The following CLEC2D variants were observed in gnomAD, a reference collection of about 807,000 sequenced individuals.
The protein encoded by CLEC2D is C-type lectin domain family 2 member D.
CLEC2D carries 16 observed loss-of-function variants against 20.0 expected under a neutral mutation model. The ratio of observed to expected loss-of-function variants is 0.80; its 90% CI spans 0.54 to 1.22. The LOEUF (loss-of-function observed/expected upper bound fraction) is 1.22, where lower values mean the gene tolerates loss of function less well. Among genes scored for constraint, CLEC2D ranks in the 50% most tolerant of loss-of-function variants. The pLI, the probability that CLEC2D is intolerant of heterozygous loss-of-function variation, is 0.00. For synonymous variants in CLEC2D, 77 were observed against 71.1 expected (o/e 1.08, Z -0.42); for missense variants, 207 against 221.5 (o/e 0.93, Z 0.42).
intron 3 of CLEC2D, among the ~76,000 whole-genome samples, chr12:9,691,224 A>G (rs1171481580): frequency 1.3e-5 from 2 of 150,108 alleles, no homozygotes; most frequent in East Asian, 3.9e-4. Context: ...TAATTATGTT[A>G]TAAAATATAT....
At chr12:9,694,736 C>G in intron 4 of CLEC2D, 24 bp from the exon 5 acceptor site, 1 of 1,314,960 alleles carries the variant, frequency 7.6e-7, no homozygotes, top group Non-Finnish European at 1.1e-6. Flanking sequence ...CAGTGGCCAA[C>G]TGATTCTGCT....
intron 2 of CLEC2D, among the ~76,000 whole-genome samples, chr12:9,685,942 GCCA>G (rs1865738268): frequency 6.6e-6 from 1 of 152,060 alleles, no homozygotes; most frequent in Non-Finnish European, 1.5e-5. Context: ...TGCCCAAATC[GCCA>G]CCCAGTTTTG....
Position 9,698,784 on chromosome 12 carries a change from T to C in CLEC2D, c.*3910T>C, listed in dbSNP as rs1331540234. 2.0e-5 allele frequency: 3 copies of C among 152,270 alleles called. No homozygotes were observed. In the East Asian group the frequency reaches 5.8e-4, roughly 29 times the overall value. The allele number at this position is 152,270 out of a possible 1,614,324, so 9.4% of individuals were successfully genotyped here. A position where few individuals can be genotyped will look rare whatever the true frequency, so the allele number is the denominator to read the frequency against. On this transcript the variant is annotated 3_prime_UTR_variant, in exon 5 of 5. Coordinates refer to ENST00000290855, the MANE Select transcript of CLEC2D (RefSeq NM_013269.6). ...GGGCTCAGAAACGGATACCCTAACA[T>C]ATAGTGATTTGACAGGTGGAACTAA...
At chr12:9,677,563 A>G (rs975939581) in intron 1 of CLEC2D, among the ~76,000 whole-genome samples, 22 of 152,136 alleles carry the variant, frequency 1.4e-4, no homozygotes, top group African/African-American at 5.3e-4. Flanking sequence ...TGATTATTCC[A>G]TGTAATCTTG....
Position 9,688,105 on chromosome 12 carries a change from C to G in CLEC2D, c.357+19C>G. 1.3e-6 allele frequency: 2 copies of G among 1,552,038 alleles called. No individual in the cohort carries two copies. The highest frequency in any genetic ancestry group is 4.9e-5 in the East Asian group (2 of 41,168). ...GGAACTGGTAAGAAAATAGTTCTGGCCAGAATCAAAGATTCAGCCCTACAA... is the reference window on the plus strand; with the variant it reads ...GGAACTGGTAAGAAAATAGTTCTGGGCAGAATCAAAGATTCAGCCCTACAA... On this transcript the variant is annotated intron_variant, in intron 3 of 4. Coordinates refer to ENST00000290855, the MANE Select transcript of CLEC2D (RefSeq NM_013269.6).
chr12:9,692,653 T>A (rs978824976), intron 3 of CLEC2D, among the ~76,000 whole-genome samples, 175 bp from the exon 4 acceptor site: 1 of 152,226 alleles, frequency 6.6e-6, no homozygotes, highest in East Asian at 1.9e-4. Context: ...TTTTAAATTA[T>A]CTTCTTTTGA....
Position 9,695,870 on chromosome 12 carries a change from ATG to A in CLEC2D, c.*997_*998del, listed in dbSNP as rs1565473081. ...GCTGCTGCTGCTGATGATGATGATG[ATG>A]AAGATGATGATGATGATGATGACGA... is the stretch of plus-strand genomic sequence containing the variant. On this transcript the variant is annotated 3_prime_UTR_variant, in exon 5 of 5. Transcript: ENST00000290855. The A allele has an allele frequency of 1.2e-3, 1,296 of 1,067,416 alleles. 12 individuals are homozygous for A. In the African/African-American group the frequency reaches 0.016, roughly 13 times the overall value. The allele number at this position is 1,067,416 out of a possible 1,614,324, so 66.1% of individuals were successfully genotyped here. A position where few individuals can be genotyped will look rare whatever the true frequency, so the allele number is the denominator to read the frequency against.
intron 1 of CLEC2D, among the ~76,000 whole-genome samples, chr12:9,671,477 C>T (rs2120882672): frequency 6.6e-6 from 1 of 152,318 alleles, no homozygotes; most frequent in East Asian, 1.9e-4. Context: ...GCCTCGGCCT[C>T]CCAAACTGCT....
At position 9,695,301 on chromosome 12, in the gene CLEC2D, C is replaced by T. The variant is rs1865957210; in HGVS notation, c.*427C>T. 2.6e-6 allele frequency: 2 copies of T among 758,526 alleles called. No homozygotes were observed. Among genetic ancestry groups the T allele is most frequent in the African/African-American group, 3.4e-5 (2 of 58,422 alleles). The allele number at this position is 758,526 out of a possible 1,614,324, so 47.0% of individuals were successfully genotyped here. ...CAGTATGGGGCTCCCTGGTGTGATT[C>T]CGTCCTGCGCGGCTGTTCTCTGGAG... On this transcript the variant is annotated 3_prime_UTR_variant, in exon 5 of 5. Transcript: ENST00000290855.
chr12:9,692,807 C>T, intron 3 of CLEC2D, 21 bp from the exon 4 acceptor site: 2 of 1,524,004 alleles, frequency 1.3e-6, no homozygotes, highest in Non-Finnish European at 1.8e-6. Flanking sequence ...TAATGAATAT[C>T]ATCTCTGTGT....
intron 4 of CLEC2D, chr12:9,693,424 G>A: frequency 4.4e-6 from 1 of 227,202 alleles, no homozygotes; most frequent in Non-Finnish European, 8.6e-6. Flanking sequence ...AGGATCTTCA[G>A]ATTACTAAAA....
chr12:9,676,627 GTTTTC>G (rs1865525000), intron 1 of CLEC2D, among the ~76,000 whole-genome samples: 1 of 152,080 alleles, frequency 6.6e-6, no homozygotes, highest in Non-Finnish European at 1.5e-5. Context: ...TTGGTCCATA[GTTTTC>G]TTTTCTTGTG....
chr12:9,671,430 C>T (rs924677095), intron 1 of CLEC2D, among the ~76,000 whole-genome samples: 1 of 152,152 alleles, frequency 6.6e-6, no homozygotes, highest in South Asian at 2.1e-4. Context: ...CCGTGTTAGC[C>T]AGGATGGTCT....
chr12:9,690,261 C>G (rs1865835842), intron 3 of CLEC2D, among the ~76,000 whole-genome samples: 1 of 151,976 alleles, frequency 6.6e-6, no homozygotes, highest in South Asian at 2.1e-4. Context: ...CTATGTATAG[C>G]AAAGTTGTCC....
At chr12:9,687,839 A>C in intron 2 of CLEC2D, 63 bp from the exon 3 acceptor site, 3 of 1,007,664 alleles carry the variant, frequency 3.0e-6, no homozygotes, top group Non-Finnish European at 4.1e-6. Flanking sequence ...GCACTTGGTA[A>C]TTTATACAAT....
At chr12:9,674,568 C>T (rs1865486382) in intron 1 of CLEC2D, among the ~76,000 whole-genome samples, 1 of 152,204 alleles carries the variant, frequency 6.6e-6, no homozygotes. Flanking sequence ...AGTATGTTTT[C>T]TTTTGTAAGA....
intron 1 of CLEC2D, among the ~76,000 whole-genome samples, chr12:9,677,707 C>CTTTTTTTTTTTTTTTTTTT (rs36120151): frequency 1.9e-4 from 23 of 122,422 alleles, no homozygotes; most frequent in Non-Finnish European, 2.4e-4. Context: ...TTCTTTCTTT[C>CTTTTTTTTTTTTTTTTTTT]TTTTTTTTTT....
In CLEC2D at chr12:9,695,682, A is replaced by T. The variant is rs1365507237; in HGVS notation, c.*808A>T. ...TTGAAATAACACCACCAGTGGACTT[A>T]AGGTTGAAGTGTGGTTCAGGGCCAG... On this transcript the variant is annotated 3_prime_UTR_variant, in exon 5 of 5. Coordinates refer to ENST00000290855, the MANE Select transcript of CLEC2D (RefSeq NM_013269.6). 1.1e-5 allele frequency: 18 copies of T among 1,574,220 alleles called. No individual in the cohort carries two copies. The highest frequency in any genetic ancestry group is 1.6e-5 in the Non-Finnish European group (18 of 1,154,404).
intron 1 of CLEC2D, among the ~76,000 whole-genome samples, chr12:9,674,741 CAT>C (rs911745939): frequency 1.4e-4 from 21 of 152,282 alleles, no homozygotes; most frequent in Middle Eastern, 6.8e-3. Context: ...TCTCAAAAGA[CAT>C]ATGATATTAA....
Sources: allele counts gnomAD v4.1 joint callset (sites outside exome capture counted in the v4.1 genomes callset), GRCh38; gene constraint gnomAD v4.1.1; transcripts MANE v1.5; gene names NCBI Gene and HGNC (gene_info 2026-07-23, HGNC 2026-07-21).